DENND1A: variants seen among roughly 807,000 people sequenced by gnomAD.
DENND1A encodes the protein DENN domain-containing protein 1A.
A neutral mutation model predicts 113.7 loss-of-function variants in DENND1A; 51 were observed. The ratio of observed to expected loss-of-function variants is 0.45; its 90% confidence interval spans 0.36 to 0.57. The LOEUF is 0.57. DENND1A is among the 20% of genes least tolerant of loss of function. The pLI, the probability that DENND1A is intolerant of heterozygous loss-of-function variation, is 0.00. For missense variants in DENND1A, 1,258 were observed against 1,395.9 expected (o/e 0.90, Z 1.57); for synonymous variants, 565 against 570.8 (o/e 0.99, Z 0.14).
chr9:123,919,117 CGTTT>C (rs1855758821), intron 1 of DENND1A, among the ~76,000 whole-genome samples: 1 of 152,022 alleles, frequency 6.6e-6, no homozygotes, highest in Non-Finnish European at 1.5e-5. Flanking sequence ...ACGAATCCAC[CGTTT>C]TTTTTAAATT....
At chr9:123,427,158 G>A (rs950120369) in intron 19 of DENND1A, among the ~76,000 whole-genome samples, 4 of 152,228 alleles carry the variant, frequency 2.6e-5, no homozygotes, top group African/African-American at 9.6e-5. Flanking sequence ...ATGCCCTATG[G>A]CATGATCACA....
At chr9:123,500,368 A>G (rs1183632694) in intron 13 of DENND1A, among the ~76,000 whole-genome samples, 1 of 152,206 alleles carries the variant, frequency 6.6e-6, no homozygotes, top group African/African-American at 2.4e-5. Flanking sequence ...TCTTAAAAGG[A>G]AACTGAGGCA....
chr9:123,434,078 G>A (rs1298151035), intron 19 of DENND1A, among the ~76,000 whole-genome samples: 6 of 152,200 alleles, frequency 3.9e-5, no homozygotes, highest in Admixed American at 2.0e-4. Flanking sequence ...CCAGGCTGGC[G>A]TGCGGTGGCA....
intron 22 of DENND1A, among the ~76,000 whole-genome samples, chr9:123,386,773 C>T (rs952555401): frequency 1.3e-5 from 2 of 152,202 alleles, no homozygotes; most frequent in African/African-American, 4.8e-5. Context: ...TCAGGACCCT[C>T]TGACCCTGTG....
rs1184474560 is a variant in DENND1A, at chr9:123,383,925, A to G, written c.1761-12T>C. On this transcript the variant is annotated splice_polypyrimidine_tract_variant and intron_variant, in intron 22 of 23. Coordinates refer to ENST00000394215, the MANE Select transcript of DENND1A (RefSeq NM_001352964.2). ...GATACGGCTGCGGCCTGTCGGGGACAGAGCAGGCTGCACTCTCCCACCCAG... is the reference window on the plus strand; with the variant it reads ...GATACGGCTGCGGCCTGTCGGGGACGGAGCAGGCTGCACTCTCCCACCCAG... The G allele has an allele frequency of 9.4e-6, 15 of 1,600,868 alleles. No homozygotes were observed. Among genetic ancestry groups the G allele is most frequent in the Non-Finnish European group, 1.2e-5 (14 of 1,176,410 alleles).
intron 13 of DENND1A, among the ~76,000 whole-genome samples, chr9:123,552,218 C>T (rs1406700556): frequency 6.6e-6 from 1 of 152,166 alleles, no homozygotes; most frequent in African/African-American, 2.4e-5. Context: ...TGGAGCTGTC[C>T]CCCAACGGGC....
At chr9:123,670,878 G>C (rs1393701323) in intron 7 of DENND1A, among the ~76,000 whole-genome samples, 1 of 152,204 alleles carries the variant, frequency 6.6e-6, no homozygotes, top group Non-Finnish European at 1.5e-5. Flanking sequence ...CTGGCAAACA[G>C]GGGAGAGGCA....
intron 2 of DENND1A, among the ~76,000 whole-genome samples, chr9:123,810,549 C>CAAAAAAAAAAAA (rs1159557273): frequency 1.5e-4 from 7 of 46,388 alleles, no homozygotes; most frequent in Non-Finnish European, 2.1e-4. Context: ...CATGTCTCTA[C>CAAAAAAAAAAAA]AAAAAAAAAA....
At chr9:123,782,875 C>T (rs567492085) in intron 3 of DENND1A, among the ~76,000 whole-genome samples, 56 of 151,854 alleles carry the variant, frequency 3.7e-4, no homozygotes, top group African/African-American at 1.2e-3. Flanking sequence ...GCTCCCCCCG[C>T]TCACATACAC....
chr9:123,548,623 A>C (rs537464424), intron 13 of DENND1A, among the ~76,000 whole-genome samples: 1 of 152,376 alleles, frequency 6.6e-6, no homozygotes, highest in South Asian at 2.1e-4. Flanking sequence ...ACACATTCAC[A>C]GCAGCACTAC....
chr9:123,891,036 G>T (rs1243689701), intron 1 of DENND1A, among the ~76,000 whole-genome samples: 1 of 151,960 alleles, frequency 6.6e-6, no homozygotes, highest in Non-Finnish European at 1.5e-5. Flanking sequence ...GTGTCTGGCT[G>T]TTGTGTTAGC....
rs146118803 is a variant in DENND1A, at chr9:123,416,692, C to T, written c.1489-4863G>A. The stretch of plus-strand genomic sequence containing the variant: ...GCCAGGGCAGGAGGGGAGAGAGGGC[C>T]GGCGAAGCGGGGAGAAGGCCGGAGT... On this transcript the variant is annotated intron_variant, in intron 19 of 23. Transcript: ENST00000394215. Among the ~76,000 whole-genome samples the T allele has an allele frequency of 9.1e-3, 1,384 of 152,280 alleles. 14 individuals are homozygous for T. Among genetic ancestry groups the T allele is most frequent in the Non-Finnish European group, 0.012 (789 of 68,014 alleles).
At chr9:123,877,147 T>C (rs775344968) in intron 2 of DENND1A, among the ~76,000 whole-genome samples, 3 of 152,158 alleles carry the variant, frequency 2.0e-5, no homozygotes, top group Non-Finnish European at 2.9e-5. Context: ...CTATGCAATA[T>C]ATGCATGTAA....
chr9:123,700,541 G>C (rs1330249103), intron 5 of DENND1A, among the ~76,000 whole-genome samples: 1 of 152,124 alleles, frequency 6.6e-6, no homozygotes, highest in Non-Finnish European at 1.5e-5. Context: ...CCAGCAAGCT[G>C]GGAACTCAGG....
chr9:123,907,788 T>C (rs1171884641), intron 1 of DENND1A, among the ~76,000 whole-genome samples: 7 of 120,194 alleles, frequency 5.8e-5, no homozygotes, highest in Admixed American at 8.5e-5. Flanking sequence ...AATTTACAGA[T>C]TCAATGCCAT....
intron 8 of DENND1A, 114 bp from the exon 9 acceptor site, chr9:123,652,237 C>T (rs2062698876): frequency 2.2e-6 from 2 of 912,872 alleles, no homozygotes; most frequent in African/African-American, 1.7e-5. Context: ...TCTGTTCTTT[C>T]CCTGTCCTTT....
intron 1 of DENND1A, among the ~76,000 whole-genome samples, chr9:123,891,691 T>C (rs771291184): frequency 5.3e-5 from 8 of 152,186 alleles, no homozygotes; most frequent in Admixed American, 1.3e-4. Context: ...TAGCAGGCTA[T>C]CAAAAATTTA....
Position 123,769,546 on chromosome 9 carries a change from C to A in DENND1A, c.150G>T (p.Leu50Phe). 6.2e-7 allele frequency: 1 copy of A among 1,609,340 alleles called. No homozygotes were observed. The highest frequency in any genetic ancestry group is 8.5e-7 in the Non-Finnish European group (1 of 1,178,396). The change falls in exon 4 of 24, where the codon TTG (leucine) becomes TTT (phenylalanine). Residue 50 changes from leucine to phenylalanine, a missense_variant. By Grantham distance (22) the Leu-to-Phe change is conservative. Coordinates refer to ENST00000394215, the MANE Select transcript of DENND1A (RefSeq NM_001352964.2). ...DYSDQEVLQT[L>F]TKFCFPFYVD... ...CATAGAAGGGGAAACAAAACTTGGT[C>A]AAAGTCTGTAGAACTTCCTGTGGAG...
intron 13 of DENND1A, among the ~76,000 whole-genome samples, chr9:123,482,609 G>A (rs1265792513): frequency 1.3e-5 from 2 of 152,200 alleles, no homozygotes; most frequent in African/African-American, 4.8e-5. Flanking sequence ...CTGGGTATCA[G>A]CCCCTGGAGC....
Sources: gnomAD v4.1 joint callset for allele counts (sites outside exome capture counted in the v4.1 genomes callset) on GRCh38, gnomAD v4.1.1 for gene constraint, MANE v1.5 for transcripts, NCBI Gene and HGNC (gene_info 2026-07-23, HGNC 2026-07-21) for gene names.